The following CCDC178 variants were observed in gnomAD, a reference collection of about 807,000 sequenced individuals.
The protein encoded by CCDC178 is coiled-coil domain containing 178, also known as coiled-coil domain-containing protein 178.
CCDC178 carries 126 observed loss-of-function variants against 117.4 expected under a neutral mutation model. The ratio of observed to expected loss-of-function variants is 1.07; its 90% CI spans 0.93 to 1.24. The LOEUF is 1.24. CCDC178 is among the 50% of genes most tolerant of loss of function. CCDC178 has a pLI of 0.00. For synonymous variants in CCDC178, 283 were observed against 313.4 expected (o/e 0.90, Z 1.02); for missense variants, 1,030 against 986.9 (o/e 1.04, Z -0.59).
At chr18:33,057,189 T>C (rs572575141) in intron 21 of CCDC178, among the ~76,000 whole-genome samples, 133 of 152,302 alleles carry the variant, frequency 8.7e-4, no homozygotes, top group Non-Finnish European at 1.4e-3. Context: ...TAAGGATCAA[T>C]TGAACATAGC....
chr18:33,100,269 C>G (rs560162747), intron 20 of CCDC178, among the ~76,000 whole-genome samples: 1 of 152,046 alleles, frequency 6.6e-6, no homozygotes, highest in African/African-American at 2.4e-5. Context: ...AGTTTACTAA[C>G]GGACATTATG....
At chr18:33,344,501 AT>A (rs940360275) in intron 9 of CCDC178, among the ~76,000 whole-genome samples, 2 of 152,116 alleles carry the variant, frequency 1.3e-5, no homozygotes, top group African/African-American at 4.8e-5. Flanking sequence ...TTCAAAACGT[AT>A]TTATTAAGTA....
chr18:32,963,438 G>A (rs1018981096), intron 22 of CCDC178, among the ~76,000 whole-genome samples: 6 of 151,950 alleles, frequency 3.9e-5, no homozygotes, highest in African/African-American at 1.4e-4. Flanking sequence ...TTTACTGTCT[G>A]TACCTGGTAA....
At chr18:33,050,104 A>C (rs568340540) in intron 21 of CCDC178, among the ~76,000 whole-genome samples, 30 of 151,990 alleles carry the variant, frequency 2.0e-4, no homozygotes, top group Middle Eastern at 6.8e-3. Context: ...TAAATAAATA[A>C]TATTTTAAGA....
intron 21 of CCDC178, among the ~76,000 whole-genome samples, chr18:33,064,865 A>C (rs1029492267): frequency 1.5e-4 from 23 of 152,168 alleles, no homozygotes; most frequent in Admixed American, 2.0e-4. Flanking sequence ...AATGAATGAA[A>C]GAAGAAAAAA....
intron 14 of CCDC178, among the ~76,000 whole-genome samples, chr18:33,258,802 G>T (rs1178991506): frequency 1.3e-5 from 2 of 152,004 alleles, no homozygotes; most frequent in African/African-American, 4.8e-5. Flanking sequence ...TTAAATTGCT[G>T]TTTGAAAACA....
intron 18 of CCDC178, among the ~76,000 whole-genome samples, chr18:33,222,200 A>C (rs1032093742): frequency 6.6e-6 from 1 of 151,358 alleles, no homozygotes; most frequent in Non-Finnish European, 1.5e-5. Flanking sequence ...TTTAATTTTG[A>C]CTTCTTCCTT....
chr18:33,224,529 TC>T (rs2059277532), intron 17 of CCDC178, among the ~76,000 whole-genome samples: 1 of 152,088 alleles, frequency 6.6e-6, no homozygotes, highest in African/African-American at 2.4e-5. Context: ...ACCAGATAAG[TC>T]ACTACTCACG....
At chr18:33,224,967 A>G in intron 16 of CCDC178, 31 bp from the exon 17 acceptor site, 1 of 1,457,578 alleles carries the variant, frequency 6.9e-7, no homozygotes, top group Non-Finnish European at 9.1e-7. Context: ...TAAATCATTC[A>G]GTTATTAACT....
chr18:32,958,717 T>C (rs187582177), intron 22 of CCDC178, among the ~76,000 whole-genome samples: 1 of 152,292 alleles, frequency 6.6e-6, no homozygotes, highest in Admixed American at 6.5e-5. Context: ...GTAATGACAA[T>C]GTCCTTTGAG....
chr18:33,240,881 A>G lies in CCDC178; in HGVS notation c.1593+4364T>C, dbSNP rs1184173963. Among the ~76,000 whole-genome samples, 4 of 151,972 alleles carry G rather than the reference A, an allele frequency of 2.6e-5. No individual in the cohort carries two copies. In the East Asian group the frequency reaches 7.7e-4, roughly 29 times the overall value. The stretch of plus-strand genomic sequence containing the variant: ...GGCCAGCATAACCTCAATATCAAAT[A>G]CACATGAGGAAAACAAAAAATTAAA... On this transcript the variant is annotated intron_variant, in intron 15 of 22. Coordinates refer to ENST00000383096, the MANE Select transcript of CCDC178 (RefSeq NM_001105528.4).
intron 5 of CCDC178, among the ~76,000 whole-genome samples, chr18:33,370,714 C>T (rs1337900384): frequency 6.6e-6 from 1 of 151,894 alleles, no homozygotes; most frequent in African/African-American, 2.4e-5. Context: ...TCATAATAAC[C>T]TCATTTTCTA....
At chr18:33,435,684 T>TAATAATAATATTTATTATTATAATAC (rs148837684) in intron 2 of CCDC178, among the ~76,000 whole-genome samples, 80,948 of 143,466 alleles carry the variant, frequency 0.56, 23,901 homozygotes, top group East Asian at 0.79. Context: ...ACATTATTTA[T>TAATAATAATATTTATTATTATAATAC]AATAATAATA....
chr18:33,379,151 A>ATATATATATTTCCATATATATATAT (rs1568187791), intron 5 of CCDC178, among the ~76,000 whole-genome samples: 4 of 105,024 alleles, frequency 3.8e-5, no homozygotes, highest in African/African-American at 1.5e-4. Context: ...TATATATATA[A>ATATATATATTTCCATATATATATAT]TATATATATT....
intron 20 of CCDC178, among the ~76,000 whole-genome samples, chr18:33,201,603 T>C (rs2058989578): frequency 1.3e-5 from 2 of 152,128 alleles, no homozygotes; most frequent in Non-Finnish European, 2.9e-5. Context: ...TGGCTGGCTC[T>C]GATGTCTTTG....
chr18:33,325,219 A>C (rs2062568184), intron 10 of CCDC178, among the ~76,000 whole-genome samples: 1 of 151,828 alleles, frequency 6.6e-6, no homozygotes, highest in Non-Finnish European at 1.5e-5. Context: ...TGTTTTTCAA[A>C]TTTTAATTAT....
At chr18:33,271,766 A>G (rs1039236817) in intron 12 of CCDC178, among the ~76,000 whole-genome samples, 1 of 151,538 alleles carries the variant, frequency 6.6e-6, no homozygotes, top group Non-Finnish European at 1.5e-5. Flanking sequence ...GAAATAACAG[A>G]AGGAAATTCA....
chr18:33,247,259 C>T (rs1337629101), intron 14 of CCDC178, among the ~76,000 whole-genome samples: 1 of 151,688 alleles, frequency 6.6e-6, no homozygotes, highest in East Asian at 1.9e-4. Context: ...TTAGGTGATA[C>T]TGATTTTATG....
chr18:33,188,087 G>A (rs1205497761), intron 20 of CCDC178, among the ~76,000 whole-genome samples: 1 of 152,096 alleles, frequency 6.6e-6, no homozygotes, highest in African/African-American at 2.4e-5. Flanking sequence ...GAATGCAAAA[G>A]GGATAAAGAA....
Sources: gnomAD v4.1 joint callset for allele counts (sites outside exome capture counted in the v4.1 genomes callset) on GRCh38, gnomAD v4.1.1 for gene constraint, MANE v1.5 for transcripts, NCBI Gene and HGNC (gene_info 2026-07-23, HGNC 2026-07-21) for gene names.